Variants in PCDHA2 observed in about 807,000 individuals in gnomAD.
PCDHA2 encodes protocadherin alpha-2.
PCDHA2 carries 58 observed loss-of-function variants against 66.0 expected under a neutral mutation model. The ratio of observed to expected loss-of-function variants is 0.88; its 90% CI spans 0.71 to 1.09. PCDHA2 has a LOEUF of 1.09. Ranked by LOEUF, PCDHA2 falls within the 50% of genes least tolerant of loss-of-function variation. The pLI is 0.00. For missense variants in PCDHA2, 1,267 were observed against 1,242.3 expected, an observed-to-expected ratio of 1.02 and a Z score of -0.30; for synonymous variants, 634 against 554.0, an observed-to-expected ratio of 1.14 and a Z score of -2.03.
intron 1 of PCDHA2, chr5:140,927,616 G>T (rs1228559116): frequency 6.2e-7 from 1 of 1,614,164 alleles, no homozygotes; most frequent in South Asian, 1.1e-5. Flanking sequence ...CCGCACCAAG[G>T]TTCCAGAGAC....
At chr5:140,902,914 G>A (rs560076660) in intron 1 of PCDHA2, among the ~76,000 whole-genome samples, 14 of 152,306 alleles carry the variant, frequency 9.2e-5, no homozygotes, top group African/African-American at 2.9e-4. Context: ...TGGCTGAGTA[G>A]TATTGCATGG....
At chr5:140,955,797 T>C (rs1374924586) in intron 1 of PCDHA2, among the ~76,000 whole-genome samples, 3 of 152,212 alleles carry the variant, frequency 2.0e-5, no homozygotes, top group Non-Finnish European at 4.4e-5. Flanking sequence ...TGTTTTTCTA[T>C]TTGTTTGTGT....
At chr5:140,846,871 A>G (rs1338632636) in intron 1 of PCDHA2, among the ~76,000 whole-genome samples, 1 of 149,786 alleles carries the variant, frequency 6.7e-6, no homozygotes, top group Non-Finnish European at 1.5e-5. Flanking sequence ...AACAGGTACA[A>G]GAGGTAAATC....
intron 1 of PCDHA2, among the ~76,000 whole-genome samples, chr5:140,826,906 A>T (rs1769110071): frequency 6.6e-6 from 1 of 152,170 alleles, no homozygotes; most frequent in African/African-American, 2.4e-5. Context: ...TAAATATGAT[A>T]GCATGTGAAA....
intron 1 of PCDHA2, among the ~76,000 whole-genome samples, chr5:140,925,390 G>A (rs968466600): frequency 6.6e-6 from 1 of 152,032 alleles, no homozygotes; most frequent in Non-Finnish European, 1.5e-5. Flanking sequence ...GTCTCCTTTT[G>A]GCTCGCCTCC....
At chr5:140,982,713 A>G (rs2096998735) in intron 3 of PCDHA2, 150 bp downstream of exon 3, 2 of 1,373,774 alleles carry the variant, frequency 1.5e-6, no homozygotes, top group African/African-American at 1.5e-5. Flanking sequence ...CCTTACATAT[A>G]TGATTATTTT....
intron 3 of PCDHA2, among the ~76,000 whole-genome samples, chr5:140,998,707 A>G (rs1230153468): frequency 6.6e-6 from 1 of 151,942 alleles, no homozygotes; most frequent in African/African-American, 2.4e-5. Flanking sequence ...TGGGATTACA[A>G]GCTTGCACCA....
chr5:140,852,802 T>G (rs2042479585), intron 1 of PCDHA2: 1 of 976,830 alleles, frequency 1.0e-6, no homozygotes, highest in Admixed American at 6.3e-5. Context: ...CAGATGTCAT[T>G]TGTCTCCCGC....
chr5:140,871,573 T>A (rs1554165748), intron 1 of PCDHA2: 1 of 1,477,842 alleles, frequency 6.8e-7, no homozygotes, highest in Non-Finnish European at 9.0e-7. Flanking sequence ...ACGGATTTTT[T>A]AAGGGAAAGT....
chr5:140,840,878 T>A (rs1554137939), intron 1 of PCDHA2, among the ~76,000 whole-genome samples: 1 of 152,022 alleles, frequency 6.6e-6, no homozygotes, highest in African/African-American at 2.4e-5. Flanking sequence ...ACAGTTTACA[T>A]TTCTGATATC....
chr5:140,842,193 A>G, intron 1 of PCDHA2: 1 of 1,613,816 alleles, frequency 6.2e-7, no homozygotes, highest in Non-Finnish European at 8.5e-7. Context: ...ATGGTTATTG[A>G]CCACTTTAGC....
rs11350929 is a variant in PCDHA2, at chr5:140,972,660, ATTT to A, written c.2389-6269_2389-6267del. Among the ~76,000 whole-genome samples, 687 of 117,242 alleles carry A rather than the reference ATTT, an allele frequency of 5.9e-3. 9 individuals carry two copies. Among genetic ancestry groups the A allele is most frequent in the African/African-American group, 0.021 (630 of 30,162 alleles). 76.9% of individuals were successfully genotyped at this position (117,242 alleles called of 152,430 possible). A position where few individuals can be genotyped will look rare whatever the true frequency, so the allele number is the denominator to read the frequency against. On this transcript the variant is annotated intron_variant, in intron 1 of 3. Coordinates refer to ENST00000526136, the MANE Select transcript of PCDHA2 (RefSeq NM_018905.3). ...CAGAGTCTCCATAAAAAGAAACCAAATTTTTTTTTTTTTTTTTTTTTTGAGATG... is the reference window on the plus strand; with the variant it reads ...CAGAGTCTCCATAAAAAGAAACCAAATTTTTTTTTTTTTTTTTTTGAGATG...
chr5:140,942,223 G>A (rs1334170178), intron 1 of PCDHA2, among the ~76,000 whole-genome samples: 4 of 152,064 alleles, frequency 2.6e-5, no homozygotes, highest in African/African-American at 9.7e-5. Flanking sequence ...TTTAAAATGT[G>A]TAGGCAAATA....
chr5:140,951,196 T>A (rs1438872650), intron 1 of PCDHA2, among the ~76,000 whole-genome samples: 1 of 152,190 alleles, frequency 6.6e-6, no homozygotes, highest in African/African-American at 2.4e-5. Context: ...AATTCCCACA[T>A]CTGTGTCATC....
chr5:140,870,353 T>C lies in PCDHA2; in HGVS notation c.2388+73001T>C, dbSNP rs782038424. On this transcript the variant is annotated intron_variant, in intron 1 of 3. Transcript: ENST00000526136. ...GACAGCGCCCTGGACCGCGAGAACG[T>C]GTGGGCCTATGAACTGGTGGTGACT... is the stretch of plus-strand genomic sequence containing the variant. The C allele has an allele frequency of 3.7e-6, 6 of 1,614,002 alleles. No homozygotes were observed. The Admixed American group carries it at 8.3e-5, about 22-fold the overall frequency.
chr5:140,861,090 T>C (rs1449145259), intron 1 of PCDHA2: 1 of 152,308 alleles, frequency 6.6e-6, no homozygotes, highest in African/African-American at 2.4e-5. Flanking sequence ...GAAGCTCCAT[T>C]GTTCCTGTAC....
rs782096178 is a variant in PCDHA2 at position 140,876,689 on chromosome 5, CGTT to C, written c.2388+79339_2388+79341del. The C allele has an allele frequency of 6.2e-6, 10 of 1,614,110 alleles. No homozygotes were observed. The East Asian group carries it at 1.6e-4, about 25-fold the overall frequency. On this transcript the variant is annotated intron_variant, in intron 1 of 3. Coordinates refer to ENST00000526136, the MANE Select transcript of PCDHA2 (RefSeq NM_018905.3). ...GTGTCCACCTACAAGAATTACTACT[CGTT>C]GGTGCTGGACAGCGCCCTGGACCGC...
intron 3 of PCDHA2, among the ~76,000 whole-genome samples, chr5:140,992,231 G>C (rs1234271245): frequency 1.3e-5 from 2 of 152,176 alleles, no homozygotes; most frequent in African/African-American, 4.8e-5. Context: ...CCTGGGAAGA[G>C]TAAGGAAGGA....
At position 140,841,259 on chromosome 5, in the gene PCDHA2, G is replaced by T. The variant is rs1777115854; in HGVS notation, c.2388+43907G>T. 3.3e-6 allele frequency: 5 copies of T among 1,517,592 alleles called. No homozygotes were observed. In the South Asian group the frequency reaches 6.6e-5, roughly 20 times the overall value. 94.0% of individuals were successfully genotyped at this position (1,517,592 alleles called of 1,614,324 possible). ...CAGCGGAATTGGATTAAAAGACTCT[G>T]AAAGTACAGTCGTTCATCTTTATAT... On this transcript the variant is annotated intron_variant, in intron 1 of 3. Transcript: ENST00000526136.
Sources: allele counts gnomAD v4.1 joint callset (sites outside exome capture counted in the v4.1 genomes callset), GRCh38; gene constraint gnomAD v4.1.1; transcripts MANE v1.5; gene names NCBI Gene and HGNC (gene_info 2026-07-23, HGNC 2026-07-21).